Variants in MFHAS1 observed in about 807,000 individuals in gnomAD.
MFHAS1 encodes multifunctional ROCO family signaling regulator 1, also known as malignant fibrous histiocytoma-amplified sequence 1.
In MFHAS1, 50 loss-of-function variants were observed where a neutral mutation model predicts 70.4. That is an observed-to-expected ratio of 0.71 (90% CI 0.57 to 0.90). The LOEUF is 0.90. Among genes scored for constraint, MFHAS1 ranks in the 40% least tolerant of loss-of-function variants. The pLI, the probability that MFHAS1 is intolerant of heterozygous loss-of-function variation, is 0.00. For synonymous variants in MFHAS1, 952 were observed against 620.0 expected (o/e 1.54, Z -7.96); for missense variants, 1,795 against 1,347.6 (o/e 1.33, Z -5.20).
At chr8:8,834,141 C>A (rs997527577) in intron 1 of MFHAS1, among the ~76,000 whole-genome samples, 11 of 148,298 alleles carry the variant, frequency 7.4e-5, no homozygotes, top group South Asian at 2.2e-4. Flanking sequence ...ACAAAAAAAA[C>A]AAAACAAACA....
chr8:8,879,642 G>A (rs1195045081), intron 1 of MFHAS1, among the ~76,000 whole-genome samples: 1 of 152,026 alleles, frequency 6.6e-6, no homozygotes, highest in Non-Finnish European at 1.5e-5. Flanking sequence ...CAAAAGCCAG[G>A]GTTCCCCCCA....
intron 1 of MFHAS1, among the ~76,000 whole-genome samples, chr8:8,817,301 A>G (rs550203888): frequency 2.9e-4 from 44 of 152,352 alleles, no homozygotes; most frequent in African/African-American, 1.0e-3. Context: ...GAGCTGAGAA[A>G]TTACATTAAA....
At chr8:8,846,649 G>T (rs913423426) in intron 1 of MFHAS1, among the ~76,000 whole-genome samples, 1 of 151,744 alleles carries the variant, frequency 6.6e-6, no homozygotes, top group Non-Finnish European at 1.5e-5. Context: ...TTCCTGTTGT[G>T]CCTCAAACAA....
chr8:8,865,474 G>C (rs1286411715), intron 1 of MFHAS1, among the ~76,000 whole-genome samples: 2 of 151,990 alleles, frequency 1.3e-5, no homozygotes, highest in Non-Finnish European at 2.9e-5. Flanking sequence ...AGGAGACTAG[G>C]AGTTACTACC....
intron 1 of MFHAS1, among the ~76,000 whole-genome samples, chr8:8,843,858 T>C (rs931653344): frequency 1.3e-5 from 2 of 152,190 alleles, no homozygotes; most frequent in African/African-American, 4.8e-5. Flanking sequence ...AAGGTAGAAA[T>C]TGAAGAATTA....
chr8:8,824,254 C>A (rs1330064247), intron 1 of MFHAS1, among the ~76,000 whole-genome samples: 1 of 151,980 alleles, frequency 6.6e-6, no homozygotes, highest in East Asian at 2.0e-4. Context: ...AATCTCTCCT[C>A]ACCTTCCATC....
In MFHAS1 at chr8:8,791,566, C is replaced by A. The variant is rs147703008; in HGVS notation, c.3126-5511G>T. ...AACCCTAGAAATGAAACGCAACCAG[C>A]AAGCTGCCATTTGTCCAGAGAAGCT... On this transcript the variant is annotated intron_variant, in intron 2 of 2. Coordinates refer to ENST00000276282, the MANE Select transcript of MFHAS1 (RefSeq NM_004225.3). 6.4e-3 allele frequency among the ~76,000 whole-genome samples: 971 copies of A among 152,296 alleles called. 9 individuals are homozygous for A. Among genetic ancestry groups the A allele is most frequent in the African/African-American group, 0.022 (910 of 41,554 alleles).
Position 8,892,077 on chromosome 8 carries a change from T to G in MFHAS1, c.982A>C (p.Asn328His). ...LGRLLTLWLD[N>H]NRIRYLPDSI... ...TCCGGCAGGTAGCGGATGCGGTTATTATCCAGCCACAAGGTGAGAAGCCGG... is the reference window on the plus strand; with the variant it reads ...TCCGGCAGGTAGCGGATGCGGTTATGATCCAGCCACAAGGTGAGAAGCCGG... Residue 328 changes from asparagine to histidine, a missense_variant, in exon 1 of 3, where the codon AAT becomes CAT. Asn to His is a moderately conservative substitution (Grantham distance 68). Coordinates refer to ENST00000276282, the MANE Select transcript of MFHAS1 (RefSeq NM_004225.3). This position sits in a 1 kb window ranked among gnomAD's most constrained non-coding sequence, Gnocchi z 4.7. 1 of 1,613,146 alleles carries G rather than the reference T, an allele frequency of 6.2e-7. No individual in the cohort carries two copies. Among genetic ancestry groups the G allele is most frequent in the Non-Finnish European group, 8.5e-7 (1 of 1,179,964 alleles).
At position 8,886,991 on chromosome 8, in the gene MFHAS1, G is replaced by C. The variant is rs1473208761; in HGVS notation, c.2998+3070C>G. ...AAAATACAAAAATTAGCCAGGTGTG[G>C]TGGCGCATGCCTCTAATTCCAGCTA... On this transcript the variant is annotated intron_variant, in intron 1 of 2. Coordinates refer to ENST00000276282, the MANE Select transcript of MFHAS1 (RefSeq NM_004225.3). Among the ~76,000 whole-genome samples the C allele has an allele frequency of 2.6e-5, 4 of 152,278 alleles. No homozygotes were observed. The South Asian group carries it at 6.2e-4, about 24-fold the overall frequency.
chr8:8,813,088 C>T (rs945630777), intron 1 of MFHAS1, among the ~76,000 whole-genome samples: 1 of 152,060 alleles, frequency 6.6e-6, no homozygotes, highest in Admixed American at 6.5e-5. Context: ...ACTTTTCGAG[C>T]AATGGTAGAC....
intron 1 of MFHAS1, among the ~76,000 whole-genome samples, chr8:8,831,245 T>C (rs1048786466): frequency 1.3e-5 from 2 of 151,974 alleles, no homozygotes; most frequent in African/African-American, 4.8e-5. Flanking sequence ...AGACTCTATC[T>C]CCAATATACA....
intron 1 of MFHAS1, among the ~76,000 whole-genome samples, chr8:8,813,507 T>A (rs768127500): frequency 6.6e-6 from 1 of 152,206 alleles, no homozygotes; most frequent in Non-Finnish European, 1.5e-5. Context: ...ACAGTGATAT[T>A]GATGATCCTG....
chr8:8,823,371 T>C (rs1807037750), intron 1 of MFHAS1, among the ~76,000 whole-genome samples: 1 of 151,734 alleles, frequency 6.6e-6, no homozygotes, highest in Non-Finnish European at 1.5e-5. Flanking sequence ...ACAAAAAGAG[T>C]AAGGAGCTGG....
intron 1 of MFHAS1, among the ~76,000 whole-genome samples, chr8:8,869,433 G>T (rs936353327): frequency 5.3e-5 from 8 of 152,134 alleles, no homozygotes; most frequent in African/African-American, 1.7e-4. Context: ...TATCTTTGCG[G>T]TATTTTAAAG....
At chr8:8,845,126 T>A (rs934508327) in intron 1 of MFHAS1, among the ~76,000 whole-genome samples, 1 of 152,244 alleles carries the variant, frequency 6.6e-6, no homozygotes, top group Non-Finnish European at 1.5e-5. Flanking sequence ...AAACTGACCC[T>A]CTGTCATTCA....
chr8:8,854,520 CAA>C lies in MFHAS1; in HGVS notation c.2998+35539_2998+35540del, dbSNP rs34883754. 1.3e-3 allele frequency among the ~76,000 whole-genome samples: 186 copies of C among 140,566 alleles called. 2 individuals are homozygous for C. Among genetic ancestry groups the C allele is most frequent in the East Asian group, 2.7e-3 (13 of 4,784 alleles). The allele number at this position is 140,566 out of a possible 152,430, so 92.2% of individuals were successfully genotyped here. A position where few individuals can be genotyped will look rare whatever the true frequency, so the allele number is the denominator to read the frequency against. ...TGGGCAACAGAGCGAGACTCTGTCT[CAA>C]AAAAAAAAAAAAATTAGCCAGGTGA... On this transcript the variant is annotated intron_variant, in intron 1 of 2. Transcript: ENST00000276282.
chr8:8,830,674 C>G (rs1052691103), intron 1 of MFHAS1, among the ~76,000 whole-genome samples: 3 of 152,198 alleles, frequency 2.0e-5, no homozygotes, highest in African/African-American at 7.2e-5. Flanking sequence ...GTGATCTTGG[C>G]TCAGTGCAAC....
At position 8,891,715 on chromosome 8, in the gene MFHAS1, T is replaced by C. The variant is rs779509710; in HGVS notation, c.1344A>G (p.Pro448=). Reference sequence around the variant, plus strand: ...CCTTGCTCACAGGGGGAGGTGACGGTGGGTAGCACTTCTCCTTGTCCCCTC... The same window carrying C: ...CCTTGCTCACAGGGGGAGGTGACGGCGGGTAGCACTTCTCCTTGTCCCCTC... ...PGGGDKEKCY[P]PSPPPVSKGI... is the part of the protein sequence containing the mutation. The change falls in exon 1 of 3, where the codon CCA becomes CCG. Residue 448 remains proline, a synonymous_variant. Coordinates refer to ENST00000276282, the MANE Select transcript of MFHAS1 (RefSeq NM_004225.3). The surrounding 1 kb of genome is among the most constrained non-coding windows in gnomAD (Gnocchi z 5.4). The C allele has an allele frequency of 2.5e-6, 4 of 1,613,234 alleles. No individual in the cohort carries two copies. The highest frequency in any genetic ancestry group is 3.4e-6 in the Non-Finnish European group (4 of 1,179,960).
chr8:8,804,112 A>G (rs1585024172), intron 1 of MFHAS1, among the ~76,000 whole-genome samples: 1 of 152,360 alleles, frequency 6.6e-6, no homozygotes, highest in East Asian at 1.9e-4. Context: ...TGCCCCACAG[A>G]TATCATTCCT....
Sources: allele counts gnomAD v4.1 joint callset (sites outside exome capture counted in the v4.1 genomes callset), GRCh38; gene constraint gnomAD v4.1.1; non-coding constraint Gnocchi (gnomAD v3.1); transcripts MANE v1.5; gene names NCBI Gene and HGNC (gene_info 2026-07-23, HGNC 2026-07-21).